Variants in ETF1 observed in about 807,000 individuals in gnomAD.
ETF1 encodes the protein eukaryotic peptide chain release factor subunit 1.
In ETF1, 4 loss-of-function variants were observed where a neutral mutation model predicts 55.1. The ratio of observed to expected loss-of-function variants is 0.07; its 90% confidence interval spans 0.04 to 0.17. ETF1 has a LOEUF of 0.17. Among genes scored for constraint, ETF1 ranks in the 10% least tolerant of loss-of-function variants. The pLI is 1.00. For missense variants in ETF1, 142 were observed against 523.6 expected, an observed-to-expected ratio of 0.27 and a Z score of 7.11; for synonymous variants, 157 against 182.3, an observed-to-expected ratio of 0.86 and a Z score of 1.12.
chr5:138,541,432 T>C (rs1766168134), intron 2 of ETF1: 5 of 901,608 alleles, frequency 5.5e-6, no homozygotes, highest in Non-Finnish European at 8.7e-6. Flanking sequence ...CACAAGCCCG[T>C]CACTGAATGG....
In ETF1 at chr5:138,523,203, C is replaced by T. The variant is rs140867836; in HGVS notation, c.87-4336G>A. Among the ~76,000 whole-genome samples, 698 of 152,072 alleles carry T rather than the reference C, an allele frequency of 4.6e-3. 1 individual carries two copies. Among genetic ancestry groups the T allele is most frequent in the Non-Finnish European group, 7.0e-3 (477 of 67,970 alleles). ...CCAACATGGTGAAACCCCGTCTCTACTAAAAATACAAAAATTAGCCGGGCG... is the reference window on the plus strand; with the variant it reads ...CCAACATGGTGAAACCCCGTCTCTATTAAAAATACAAAAATTAGCCGGGCG... On this transcript the variant is annotated intron_variant, in intron 2 of 10. Transcript: ENST00000360541.
At chr5:138,531,776 G>C (rs1765708869) in intron 2 of ETF1, among the ~76,000 whole-genome samples, 1 of 152,196 alleles carries the variant, frequency 6.6e-6, no homozygotes, top group Non-Finnish European at 1.5e-5. Context: ...GCCAGGTGCA[G>C]TGGTTCACAC....
At chr5:138,513,117 A>C in intron 5 of ETF1, 163 bp from the exon 6 acceptor site, 1 of 985,402 alleles carries the variant, frequency 1.0e-6, no homozygotes, top group Middle Eastern at 5.2e-4. Flanking sequence ...GTTTTCAGAG[A>C]GCGACTACTA....
chr5:138,512,639 T>C, intron 6 of ETF1, 125 bp downstream of exon 6: 1 of 750,472 alleles, frequency 1.3e-6, no homozygotes, highest in Non-Finnish European at 2.0e-6. Context: ...ACCTGCTGTT[T>C]AACTCAGAGG....
intron 2 of ETF1, among the ~76,000 whole-genome samples, chr5:138,519,971 T>C (rs542580662): frequency 1.3e-4 from 19 of 147,576 alleles, no homozygotes; most frequent in Admixed American, 1.2e-3. Flanking sequence ...GGGGCACTTG[T>C]TAAATGCGTA....
chr5:138,524,409 C>T (rs1447048231), intron 2 of ETF1, among the ~76,000 whole-genome samples: 1 of 151,452 alleles, frequency 6.6e-6, no homozygotes, highest in Non-Finnish European at 1.5e-5. Context: ...AAAAATTAGG[C>T]AAGTATGGTG....
chr5:138,510,649 A>C lies in ETF1; in HGVS notation c.1019-20T>G. ...TCTCCTCTGTAGTATTAGGAGGAAA[A>C]AATGTGTTAACCTGGCTCTCATATA... On this transcript the variant is annotated intron_variant, in intron 8 of 10. Transcript: ENST00000360541. The C allele has an allele frequency of 6.2e-7, 1 of 1,612,982 alleles. No homozygotes were observed. The highest frequency in any genetic ancestry group is 8.5e-7 in the Non-Finnish European group (1 of 1,179,330).
At chr5:138,537,736 C>T (rs999288305) in intron 2 of ETF1, among the ~76,000 whole-genome samples, 25 of 146,948 alleles carry the variant, frequency 1.7e-4, no homozygotes, top group African/African-American at 5.8e-4. Flanking sequence ...TACAGGTGCC[C>T]GCCACCATGC....
At chr5:138,512,248 A>ATATATATATTT (rs1554137497) in intron 6 of ETF1, among the ~76,000 whole-genome samples, 2 of 11,856 alleles carry the variant, frequency 1.7e-4, no homozygotes, top group African/African-American at 5.6e-4. Context: ...ATATATATAT[A>ATATATATATTT]TATATATATA....
intron 2 of ETF1, among the ~76,000 whole-genome samples, chr5:138,526,152 G>C (rs1765464102): frequency 1.3e-5 from 2 of 151,972 alleles, no homozygotes; most frequent in Non-Finnish European, 2.9e-5. Flanking sequence ...TCTCACAGTA[G>C]CCCAATATGC....
At chr5:138,519,122 T>A in intron 2 of ETF1, 1 of 984,674 alleles carries the variant, frequency 1.0e-6, no homozygotes, top group Non-Finnish European at 1.2e-6. Context: ...GGAGAGATAC[T>A]TGAGAAACAC....
At chr5:138,509,788 G>C (rs1028863019) in intron 9 of ETF1, among the ~76,000 whole-genome samples, 1 of 151,180 alleles carries the variant, frequency 6.6e-6, no homozygotes, top group African/African-American at 2.4e-5. Flanking sequence ...CCATCTACTC[G>C]GGAGGCTGAG....
At chr5:138,533,869 T>C (rs1341290350) in intron 2 of ETF1, among the ~76,000 whole-genome samples, 2 of 152,190 alleles carry the variant, frequency 1.3e-5, no homozygotes, top group African/African-American at 2.4e-5. Flanking sequence ...AAGTGTCATT[T>C]TAATTTTGTT....
At chr5:138,514,882 C>G (rs1764953637) in intron 4 of ETF1, among the ~76,000 whole-genome samples, 1 of 152,194 alleles carries the variant, frequency 6.6e-6, no homozygotes, top group South Asian at 2.1e-4. Flanking sequence ...GAATACTACA[C>G]ACTTAGTTGA....
intron 2 of ETF1, among the ~76,000 whole-genome samples, chr5:138,537,639 G>A (rs1370582845): frequency 6.6e-6 from 1 of 152,074 alleles, no homozygotes; most frequent in African/African-American, 2.4e-5. Context: ...CCAGGCTGGA[G>A]TGCAGTGGCG....
At chr5:138,527,861 C>T (rs1347071396) in intron 2 of ETF1, among the ~76,000 whole-genome samples, 1 of 152,074 alleles carries the variant, frequency 6.6e-6, no homozygotes, top group African/African-American at 2.4e-5. Context: ...CAACCTCCGC[C>T]TCCTGGGTTC....
At chr5:138,531,995 G>C (rs1035682267) in intron 2 of ETF1, among the ~76,000 whole-genome samples, 5 of 152,012 alleles carry the variant, frequency 3.3e-5, no homozygotes, top group African/African-American at 9.7e-5. Flanking sequence ...GCAGTGAGCC[G>C]AGATCGAGCC....
At chr5:138,542,021 T>C (rs1023915448) in intron 2 of ETF1, among the ~76,000 whole-genome samples, 1 of 152,102 alleles carries the variant, frequency 6.6e-6, no homozygotes, top group Non-Finnish European at 1.5e-5. Flanking sequence ...TCAACAAGCA[T>C]CAAGCACATC....
intron 2 of ETF1, among the ~76,000 whole-genome samples, chr5:138,532,383 G>C (rs1044542221): frequency 1.3e-5 from 2 of 152,176 alleles, no homozygotes; most frequent in African/African-American, 4.8e-5. Context: ...ACAAATCCCT[G>C]TGGGTCTGTT....
Sources: gnomAD v4.1 joint callset for allele counts (sites outside exome capture counted in the v4.1 genomes callset) on GRCh38, gnomAD v4.1.1 for gene constraint, MANE v1.5 for transcripts, NCBI Gene and HGNC (gene_info 2026-07-23, HGNC 2026-07-21) for gene names.